The following PPM1H variants were observed in gnomAD, a reference collection of about 807,000 sequenced individuals.
PPM1H encodes protein phosphatase 1H.
PPM1H carries 27 observed loss-of-function variants against 54.9 expected under a neutral mutation model. That is an observed-to-expected ratio of 0.49 (90% CI 0.36 to 0.68). The LOEUF (loss-of-function observed/expected upper bound fraction) is 0.68. Among genes scored for constraint, PPM1H ranks in the 30% least tolerant of loss-of-function variants. The pLI is 0.00. For synonymous variants in PPM1H, 305 were observed against 270.8 expected (o/e 1.13, Z -1.24); for missense variants, 596 against 667.8 (o/e 0.89, Z 1.19).
intron 1 of PPM1H, among the ~76,000 whole-genome samples, chr12:62,926,100 T>C (rs752155406): frequency 1.3e-5 from 2 of 152,262 alleles, no homozygotes; most frequent in Non-Finnish European, 2.9e-5. Flanking sequence ...ACTGAACCTA[T>C]TGGAGTCTCT....
chr12:62,923,033 C>G (rs150664072), intron 1 of PPM1H, among the ~76,000 whole-genome samples: 1 of 152,308 alleles, frequency 6.6e-6, no homozygotes, highest in African/African-American at 2.4e-5. Flanking sequence ...AGCTTATCAA[C>G]TGAGTGAGCA....
chr12:62,804,823 C>T (rs946536089), intron 2 of PPM1H, among the ~76,000 whole-genome samples: 16 of 150,580 alleles, frequency 1.1e-4, no homozygotes, highest in African/African-American at 3.7e-4. Context: ...CTACAGGCGC[C>T]CGCCACTACG....
At chr12:62,850,115 C>T (rs1455350178) in intron 1 of PPM1H, among the ~76,000 whole-genome samples, 1 of 151,960 alleles carries the variant, frequency 6.6e-6, no homozygotes, top group Non-Finnish European at 1.5e-5. Context: ...ACGTGAGCCA[C>T]CATGCCTGGC....
At chr12:62,846,032 C>T (rs1868953497) in intron 1 of PPM1H, among the ~76,000 whole-genome samples, 1 of 152,124 alleles carries the variant, frequency 6.6e-6, no homozygotes, top group Non-Finnish European at 1.5e-5. Flanking sequence ...CATGCCTTGT[C>T]CAGGCCCTTG....
intron 4 of PPM1H, among the ~76,000 whole-genome samples, chr12:62,759,881 G>T (rs970119852): frequency 1.3e-5 from 2 of 150,458 alleles, no homozygotes; most frequent in Non-Finnish European, 3.0e-5. Context: ...CCACTTTCCT[G>T]GGGGGCAAGC....
At chr12:62,885,261 C>A (rs977276627) in intron 1 of PPM1H, among the ~76,000 whole-genome samples, 2 of 152,086 alleles carry the variant, frequency 1.3e-5, no homozygotes, top group Admixed American at 6.6e-5. Context: ...GGGACACAGC[C>A]AAACCATATC....
At chr12:62,834,813 C>T (rs1868453111) in intron 1 of PPM1H, among the ~76,000 whole-genome samples, 1 of 152,172 alleles carries the variant, frequency 6.6e-6, no homozygotes, top group Non-Finnish European at 1.5e-5. Flanking sequence ...GGAAGGAGGT[C>T]CAAAATACCA....
intron 4 of PPM1H, among the ~76,000 whole-genome samples, chr12:62,739,521 T>C (rs11174629): frequency 0.11 from 16,029 of 152,176 alleles, 1,071 homozygotes; most frequent in East Asian, 0.24. Flanking sequence ...ATCTCCTCTT[T>C]CAAGATTTTG....
In PPM1H at chr12:62,693,524, G is replaced by T. The variant is rs78044084; in HGVS notation, c.1137+412C>A. ...TGCCCCTCGCTTGGCTGCGTGATCTGCCTGAGCTGTTTTAACCTCACAGTC... is the reference window on the plus strand; with the variant it reads ...TGCCCCTCGCTTGGCTGCGTGATCTTCCTGAGCTGTTTTAACCTCACAGTC... On this transcript the variant is annotated intron_variant, in intron 7 of 9. Transcript: ENST00000228705. 9.1e-3 allele frequency among the ~76,000 whole-genome samples: 1,383 copies of T among 152,320 alleles called. 10 individuals carry two copies. Among genetic ancestry groups the T allele is most frequent in the Middle Eastern group, 0.024 (7 of 294 alleles).
At chr12:62,720,526 A>C in intron 5 of PPM1H, 1 of 485,832 alleles carries the variant, frequency 2.1e-6, no homozygotes, top group Non-Finnish European at 3.7e-6. Context: ...TTGTAACCAA[A>C]TGCATAGCTG....
At chr12:62,768,499 C>T (rs2076558199) in intron 4 of PPM1H, among the ~76,000 whole-genome samples, 1 of 151,938 alleles carries the variant, frequency 6.6e-6, no homozygotes, top group African/African-American at 2.4e-5. Context: ...ACTAAAAATA[C>T]AAAAAATTAG....
At position 62,645,814 on chromosome 12, in the gene PPM1H, T is replaced by TA. The variant is rs1444774190; in HGVS notation, c.*2674dup. 1 of 152,212 alleles carries TA rather than the reference T, an allele frequency of 6.6e-6. No homozygotes were observed. Among genetic ancestry groups the TA allele is most frequent in the African/African-American group, 2.4e-5 (1 of 41,458 alleles). The allele number at this position is 152,212 out of a possible 1,614,324, so 9.4% of individuals were successfully genotyped here. A position where few individuals can be genotyped will look rare whatever the true frequency, so the allele number is the denominator to read the frequency against. On this transcript the variant is annotated 3_prime_UTR_variant, in exon 10 of 10. Coordinates refer to ENST00000228705, the MANE Select transcript of PPM1H (RefSeq NM_020700.2). ...CAAGCAGATTTGGCTATAAGTCAGA[T>TA]ACGCAAGATTTCTGAACCATGTATA... is the stretch of plus-strand genomic sequence containing the variant.
At chr12:62,819,068 T>C (rs538747247) in intron 2 of PPM1H, among the ~76,000 whole-genome samples, 8 of 151,678 alleles carry the variant, frequency 5.3e-5, no homozygotes, top group African/African-American at 1.9e-4. Context: ...GAATCCACCT[T>C]GCCTCGGCCT....
chr12:62,910,849 C>A (rs772558), intron 1 of PPM1H, among the ~76,000 whole-genome samples: 9 of 152,032 alleles, frequency 5.9e-5, no homozygotes, highest in African/African-American at 2.2e-4. Context: ...AGCAGCTGCC[C>A]GCAAGGAAGC....
chr12:62,658,439 GT>G (rs1489055112), intron 9 of PPM1H, among the ~76,000 whole-genome samples: 1 of 151,888 alleles, frequency 6.6e-6, no homozygotes, highest in Non-Finnish European at 1.5e-5. Context: ...TTCTCTGAGT[GT>G]TTACATATTT....
At chr12:62,906,381 T>C (rs1354333276) in intron 1 of PPM1H, among the ~76,000 whole-genome samples, 3 of 152,250 alleles carry the variant, frequency 2.0e-5, no homozygotes, top group African/African-American at 7.2e-5. Flanking sequence ...CTTTGTGTGC[T>C]GTTTCCAGTG....
chr12:62,772,945 C>G (rs957149756), intron 4 of PPM1H, among the ~76,000 whole-genome samples: 1 of 151,608 alleles, frequency 6.6e-6, no homozygotes, highest in African/African-American at 2.4e-5. Flanking sequence ...GTCAAGAGAT[C>G]GGGACCATCC....
Position 62,790,033 on chromosome 12 carries a change from C to T in PPM1H, c.757-1695G>A, listed in dbSNP as rs560118687. Among the ~76,000 whole-genome samples the T allele has an allele frequency of 5.0e-4, 76 of 152,288 alleles. No homozygotes were observed. In the Middle Eastern group the frequency reaches 0.01, roughly 20 times the overall value. On this transcript the variant is annotated intron_variant, in intron 3 of 9. Coordinates refer to ENST00000228705, the MANE Select transcript of PPM1H (RefSeq NM_020700.2). ...TAAAAATTACAGGAAGAGGAAGAAA[C>T]GGTGACGTTGATGCTGTTGTTGGCA...
At chr12:62,651,452 G>A (rs990435164) in intron 9 of PPM1H, among the ~76,000 whole-genome samples, 7 of 152,308 alleles carry the variant, frequency 4.6e-5, no homozygotes, top group Admixed American at 2.0e-4. Flanking sequence ...CCACCCTGAT[G>A]CTGCTATTAC....
Sources: allele counts gnomAD v4.1 joint callset (sites outside exome capture counted in the v4.1 genomes callset), GRCh38; gene constraint gnomAD v4.1.1; transcripts MANE v1.5; gene names NCBI Gene and HGNC (gene_info 2026-07-23, HGNC 2026-07-21).